Variants in ABLIM1 observed in about 807,000 individuals in gnomAD.
ABLIM1 encodes actin binding LIM protein 1.
A neutral mutation model predicts 107.0 loss-of-function variants in ABLIM1; 40 were observed. That is an observed-to-expected ratio of 0.37 (90% CI 0.29 to 0.49). The LOEUF is 0.49. ABLIM1 is among the 20% of genes least tolerant of loss of function. The pLI is 0.97. For synonymous variants in ABLIM1, 357 were observed against 357.3 expected (o/e 1.00, Z 0.01); for missense variants, 857 against 1,008.5 (o/e 0.85, Z 2.04).
At chr10:114,624,198 C>A (rs143374109) in intron 1 of ABLIM1, among the ~76,000 whole-genome samples, 8 of 152,210 alleles carry the variant, frequency 5.3e-5, no homozygotes, top group East Asian at 3.9e-4. Flanking sequence ...GATCACTGAA[C>A]CTTCTGAAAA....
In ABLIM1 at chr10:114,683,100, T is replaced by C. The variant is rs75191429; in HGVS notation, c.64+1190A>G. 1.3e-3 allele frequency among the ~76,000 whole-genome samples: 201 copies of C among 152,348 alleles called. 1 individual carries two copies. Among genetic ancestry groups the C allele is most frequent in the African/African-American group, 4.7e-3 (196 of 41,576 alleles). On this transcript the variant is annotated intron_variant, in intron 1 of 23. Transcript: ENST00000369256. ...TGCATTCTAATTAATATGCATAGTG[T>C]CCTTATTAAAATTCAAATTCTATAT... is the stretch of plus-strand genomic sequence containing the variant.
In ABLIM1 at chr10:114,631,841, G is replaced by A. The variant is rs2078199722; in HGVS notation, c.244+26116C>T. 4.5e-5 allele frequency: 58 copies of A among 1,294,456 alleles called. No individual in the cohort carries two copies. In the South Asian group the frequency reaches 7.0e-4, roughly 16 times the overall value. 80.2% of individuals were successfully genotyped at this position (1,294,456 alleles called of 1,614,324 possible). A position where few individuals can be genotyped will look rare whatever the true frequency, so the allele number is the denominator to read the frequency against. On this transcript the variant is annotated intron_variant, in intron 1 of 22. Coordinates refer to ENST00000533213, the MANE Select transcript of ABLIM1 (RefSeq NM_002313.7). The stretch of plus-strand genomic sequence containing the variant: ...ATTGATCATTCCCCGTTAGGTGGCC[G>A]AGCCCTGCGGTGCCATTCCAACTTC...
rs1186459673 is a variant in ABLIM1 at position 114,448,002 on chromosome 10, C to T, written c.1613G>A (p.Ser538Asn). The T allele has an allele frequency of 1.2e-6, 2 of 1,614,132 alleles. No individual in the cohort carries two copies. Among genetic ancestry groups the T allele is most frequent in the Non-Finnish European group, 1.7e-6 (2 of 1,179,998 alleles). Residue 538 changes from serine (S) to asparagine (N), a missense_variant, in exon 15 of 23, where the codon AGC becomes AAC. Physicochemically the swap from Ser to Asn is conservative, Grantham distance 46 (BLOSUM62 1). This residue lies in a region of ABLIM1 where 103 missense variants were observed against 101.0 expected (regional missense o/e 1.02). Coordinates refer to ENST00000533213, the MANE Select transcript of ABLIM1 (RefSeq NM_002313.7). ...YKQHAALAAQSKSSEDIIKFS... is the reference protein window; with the variant it reads ...YKQHAALAAQNKSSEDIIKFS... ...CTTGATGATATCTTCTGAGGACTTG[C>T]TCTGGGCTGCCAAGGCAGCTGCATC...
At chr10:114,606,597 A>G (rs959881238) in intron 1 of ABLIM1, among the ~76,000 whole-genome samples, 2 of 152,148 alleles carry the variant, frequency 1.3e-5, no homozygotes, top group Admixed American at 1.3e-4. Flanking sequence ...TGCAGGTAAC[A>G]TACACATTCT....
Position 114,436,383 on chromosome 10 carries a change from A to AG in ABLIM1, c.2224-11dup. 6.3e-7 allele frequency: 1 copy of AG among 1,588,862 alleles called. No individual in the cohort carries two copies. The highest frequency in any genetic ancestry group is 2.2e-5 in the East Asian group (1 of 44,748). On this transcript the variant is annotated splice_polypyrimidine_tract_variant and intron_variant, in intron 22 of 22. Transcript: ENST00000533213. Reference sequence around the variant, plus strand: ...CAGGGGCTAAGTGGCGCTGGGAAGAAGAAAAAAAAAAAAGAGCTGCTGTCA... The same window carrying AG: ...CAGGGGCTAAGTGGCGCTGGGAAGAAGGAAAAAAAAAAAAGAGCTGCTGTCA...
At chr10:114,586,149 G>A (rs970795242) in intron 2 of ABLIM1, among the ~76,000 whole-genome samples, 2 of 152,078 alleles carry the variant, frequency 1.3e-5, no homozygotes, top group Non-Finnish European at 2.9e-5. Flanking sequence ...TCAAAATAGT[G>A]GTGCCAAGGT....
chr10:114,456,782 T>C (rs11813036), intron 12 of ABLIM1, among the ~76,000 whole-genome samples: 4,448 of 152,296 alleles, frequency 0.029, 226 homozygotes, highest in African/African-American at 0.1. Context: ...CCCTCACTTC[T>C]TGAATATGGT....
At chr10:114,440,264 T>A (rs993371097) in intron 19 of ABLIM1, among the ~76,000 whole-genome samples, 175 bp from the exon 20 acceptor site, 1 of 152,212 alleles carries the variant, frequency 6.6e-6, no homozygotes, top group Non-Finnish European at 1.5e-5. Context: ...AGCCAAGAAA[T>A]GCCTGGTCCA....
chr10:114,758,002 A>C (rs539015436), intron 1 of ABLIM1, among the ~76,000 whole-genome samples: 48 of 152,202 alleles, frequency 3.2e-4, no homozygotes, highest in African/African-American at 9.9e-4. Context: ...ACTGCCTAAA[A>C]AACTCTTTAC....
intron 1 of ABLIM1, among the ~76,000 whole-genome samples, chr10:114,648,520 T>G (rs1046669311): frequency 6.6e-6 from 1 of 152,156 alleles, no homozygotes; most frequent in African/African-American, 2.4e-5. Flanking sequence ...TGCCAGCAGC[T>G]GAGGAATGTG....
chr10:114,475,060 T>TCTA (rs2056094112), intron 8 of ABLIM1, among the ~76,000 whole-genome samples: 2 of 152,180 alleles, frequency 1.3e-5, no homozygotes, highest in African/African-American at 4.8e-5. Context: ...TGGGTATATG[T>TCTA]CTACTAGCGG....
intron 1 of ABLIM1, among the ~76,000 whole-genome samples, chr10:114,767,302 T>G (rs2082918716): frequency 6.6e-6 from 1 of 152,204 alleles, no homozygotes; most frequent in Non-Finnish European, 1.5e-5. Flanking sequence ...TAATCAATAT[T>G]TTCTTTAAAT....
the ABLIM1 span, among the ~76,000 whole-genome samples, chr10:114,786,486 T>C: frequency 1.3e-5 from 2 of 152,382 alleles, no homozygotes; most frequent in African/African-American, 4.8e-5. Context: ...ATTTTTATTT[T>C]ATGTAAACAT....
intron 7 of ABLIM1, among the ~76,000 whole-genome samples, chr10:114,488,471 C>T (rs1231808180): frequency 6.6e-6 from 1 of 152,128 alleles, no homozygotes; most frequent in Admixed American, 6.6e-5. Context: ...TGTCCAGAAG[C>T]AAGACTTACT....
intron 1 of ABLIM1, among the ~76,000 whole-genome samples, chr10:114,717,351 C>A (rs1366813703): frequency 6.6e-6 from 1 of 152,118 alleles, no homozygotes; most frequent in Non-Finnish European, 1.5e-5. Flanking sequence ...AACAATAAGA[C>A]TGAAATCATG....
chr10:114,636,901 C>T (rs886123801), intron 1 of ABLIM1, among the ~76,000 whole-genome samples: 16 of 151,972 alleles, frequency 1.1e-4, no homozygotes, highest in Non-Finnish European at 2.2e-4. Context: ...GAGGTGGTGG[C>T]GTGCACCTGT....
intron 4 of ABLIM1, among the ~76,000 whole-genome samples, chr10:114,564,141 A>G (rs1179952450): frequency 6.6e-6 from 1 of 151,332 alleles, no homozygotes; most frequent in Non-Finnish European, 1.5e-5. Flanking sequence ...ATCCTCAGGA[A>G]CTCTGTGTGG....
intron 1 of ABLIM1, among the ~76,000 whole-genome samples, chr10:114,638,790 C>A (rs965665480): frequency 6.6e-6 from 1 of 152,164 alleles, no homozygotes; most frequent in Non-Finnish European, 1.5e-5. Context: ...TTTCCAGATA[C>A]CTTATCCTTC....
intron 1 of ABLIM1, among the ~76,000 whole-genome samples, chr10:114,761,965 TCTCA>T (rs61388473): frequency 0.043 from 6,460 of 150,892 alleles, 464 homozygotes; most frequent in African/African-American, 0.15. Context: ...TTACCATAAT[TCTCA>T]CTCTATCCCA....
Sources: allele counts gnomAD v4.1 joint callset (sites outside exome capture counted in the v4.1 genomes callset), GRCh38; gene constraint gnomAD v4.1.1; regional missense constraint gnomAD v4.1.1; transcripts MANE v1.5; gene names NCBI Gene and HGNC (gene_info 2026-07-23, HGNC 2026-07-21).